Variants in PALS2 observed in about 807,000 individuals in gnomAD.
PALS2 encodes protein PALS2.
Under a neutral mutation model 61.6 loss-of-function variants are expected in PALS2, and 27 were observed. The observed-to-expected ratio is 0.44, with a 90% confidence interval of 0.32 to 0.60. PALS2 has a LOEUF of 0.60. Among genes scored for constraint, PALS2 ranks in the 20% least tolerant of loss-of-function variants. PALS2 has a pLI of 0.05. For missense variants in PALS2, 554 were observed against 639.4 expected (o/e 0.87, Z 1.44); for synonymous variants, 236 against 218.6 (o/e 1.08, Z -0.70).
chr7:24,605,578 T>TAAGAATAGGTCTATAAAGACATA (rs1283604801), intron 1 of PALS2, among the ~76,000 whole-genome samples: 1 of 152,014 alleles, frequency 6.6e-6, no homozygotes, highest in Non-Finnish European at 1.5e-5. Context: ...TGTAAATATG[T>TAAGAATAGGTCTATAAAGACATA]AAGAATAGGT....
chr7:24,649,612 T>G lies in PALS2; in HGVS notation c.271T>G (p.Ser91Ala). ...VGILKEPHFQ[S>A]LLEAHDIVAS... Reference sequence around the variant, plus strand: ...CACAGGCTATTTTGACTCCTTATAGTCACTGTTGGAGGCCCATGATATTGT... The same window carrying G: ...CACAGGCTATTTTGACTCCTTATAGGCACTGTTGGAGGCCCATGATATTGT... The change falls in exon 4 of 12, where the codon TCA becomes GCA. Residue 91 changes from serine to alanine, a missense_variant and splice_region_variant. By Grantham distance (99) the Ser-to-Ala change is moderately conservative. Transcript: ENST00000222644. 2 of 1,588,504 alleles carry G rather than the reference T, an allele frequency of 1.3e-6. 1 individual carries two copies. Among genetic ancestry groups the G allele is most frequent in the Non-Finnish European group, 1.7e-6 (2 of 1,169,082 alleles).
At position 24,680,433 on chromosome 7, in the gene PALS2, G is replaced by T; in HGVS notation, c.1359G>T (p.Val453=). 1.2e-6 allele frequency: 2 copies of T among 1,613,534 alleles called. No homozygotes were observed. Among genetic ancestry groups the T allele is most frequent in the South Asian group, 2.2e-5 (2 of 91,064 alleles). Residue 453 remains valine (V), a synonymous_variant, in exon 11 of 12, where the codon GTG becomes GTT. Transcript: ENST00000222644. The part of the protein sequence containing the change: ...VLRTSEFMPY[V]VFIAAPELET... ...GGACATCAGAGTTTATGCCCTATGT[G>T]GTATTTATTGCGGCTCCGGAGCTAG...
intron 2 of PALS2, among the ~76,000 whole-genome samples, chr7:24,630,143 G>A (rs7803085): frequency 0.016 from 2,413 of 152,156 alleles, 69 homozygotes; most frequent in African/African-American, 0.055. Context: ...AATAGTATGC[G>A]GCCATAAAAA....
At chr7:24,635,495 A>G (rs923577179) in intron 2 of PALS2, among the ~76,000 whole-genome samples, 1 of 152,158 alleles carries the variant, frequency 6.6e-6, no homozygotes, top group African/African-American at 2.4e-5. Context: ...TGTCATCTGA[A>G]TATAGACAGT....
At chr7:24,652,566 C>T (rs1457370801) in intron 5 of PALS2, among the ~76,000 whole-genome samples, 2 of 151,556 alleles carry the variant, frequency 1.3e-5, no homozygotes, top group Non-Finnish European at 2.9e-5. Context: ...ATGAAGGCTT[C>T]CAAAAGAACA....
At chr7:24,604,234 AAAAG>A (rs1168014940) in intron 1 of PALS2, among the ~76,000 whole-genome samples, 1 of 150,740 alleles carries the variant, frequency 6.6e-6, no homozygotes, top group Non-Finnish European at 1.5e-5. Flanking sequence ...AAAAAAAAAA[AAAAG>A]GAAAAAAGAA....
At chr7:24,665,888 C>A in intron 7 of PALS2, 133 bp from the exon 8 acceptor site, 2 of 986,112 alleles carry the variant, frequency 2.0e-6, no homozygotes. Context: ...TGGCTTAACT[C>A]ACCTCCACCC....
At chr7:24,679,815 T>C (rs1381051379) in intron 10 of PALS2, among the ~76,000 whole-genome samples, 3 of 152,152 alleles carry the variant, frequency 2.0e-5, no homozygotes. Flanking sequence ...GAGATAAAAA[T>C]TGTTAATAGT....
chr7:24,619,671 T>A (rs1216675932), intron 1 of PALS2, among the ~76,000 whole-genome samples: 1 of 137,934 alleles, frequency 7.2e-6, no homozygotes, highest in Non-Finnish European at 1.5e-5. Context: ...TGAGCCGAGA[T>A]CCCGCCACTG....
intron 2 of PALS2, among the ~76,000 whole-genome samples, chr7:24,634,490 A>G (rs966121223): frequency 6.6e-6 from 1 of 152,154 alleles, no homozygotes; most frequent in Non-Finnish European, 1.5e-5. Context: ...TCGGCCTCCT[A>G]AAGTGCTGGG....
rs777224415 is a variant in PALS2 at position 24,583,627 on chromosome 7, CTT to C, written c.-3+10046_-3+10047del. On this transcript the variant is annotated intron_variant, in intron 1 of 11. Coordinates refer to ENST00000222644, the MANE Select transcript of PALS2 (RefSeq NM_001303037.2). The stretch of plus-strand genomic sequence containing the variant: ...TGAGGATATCTTATTCAGATCCTTT[CTT>C]TTTTTTTTTTTCCCATGCTAAATAT... Among the ~76,000 whole-genome samples the C allele has an allele frequency of 6.9e-5, 9 of 131,346 alleles. 1 individual carries two copies. Among genetic ancestry groups the C allele is most frequent in the Admixed American group, 1.5e-4 (2 of 13,292 alleles). The allele number at this position is 131,346 out of a possible 152,430, so 86.2% of individuals were successfully genotyped here.
intron 6 of PALS2, among the ~76,000 whole-genome samples, chr7:24,664,839 G>C (rs765471193): frequency 2.0e-5 from 3 of 150,664 alleles, no homozygotes; most frequent in African/African-American, 7.3e-5. Flanking sequence ...CTATGAATAC[G>C]ATCTCTTAGT....
At chr7:24,667,629 A>G (rs1233862962) in intron 8 of PALS2, among the ~76,000 whole-genome samples, 1 of 149,918 alleles carries the variant, frequency 6.7e-6, no homozygotes, top group Non-Finnish European at 1.5e-5. Context: ...AGGATAAAAC[A>G]TAGAATTTTT....
intron 8 of PALS2, 61 bp downstream of exon 8, chr7:24,666,150 C>T (rs1368647079): frequency 2.1e-6 from 3 of 1,432,548 alleles, no homozygotes; most frequent in Non-Finnish European, 9.7e-7. Context: ...TTTAGTGTGG[C>T]ATAAACTCTG....
At chr7:24,660,494 A>G (rs1583966766) in intron 5 of PALS2, among the ~76,000 whole-genome samples, 1 of 152,020 alleles carries the variant, frequency 6.6e-6, no homozygotes, top group Non-Finnish European at 1.5e-5. Flanking sequence ...TCACTTAACC[A>G]TCTGTCTTGA....
chr7:24,597,217 A>C lies in PALS2; in HGVS notation c.-3+23624A>C, dbSNP rs2128045907. 3 of 152,306 alleles carry C rather than the reference A, an allele frequency of 2.0e-5. No individual in the cohort carries two copies. In the South Asian group the frequency reaches 6.2e-4, roughly 32 times the overall value. 9.4% of individuals were successfully genotyped at this position (152,306 alleles called of 1,614,324 possible). A position where few individuals can be genotyped will look rare whatever the true frequency, so the allele number is the denominator to read the frequency against. ...GTGAGTGCTGTAACTAATACTTGGA[A>C]ATTATCATCATATAGAAACTAGATG... On this transcript the variant is annotated intron_variant, in intron 1 of 11. Transcript: ENST00000222644.
chr7:24,625,918 G>A (rs1041555049), intron 2 of PALS2, among the ~76,000 whole-genome samples: 8 of 152,144 alleles, frequency 5.3e-5, no homozygotes, highest in Admixed American at 3.3e-4. Flanking sequence ...GAAAGAAATA[G>A]TAAGTCACAG....
At chr7:24,629,779 T>C (rs1188018248) in intron 2 of PALS2, among the ~76,000 whole-genome samples, 1 of 152,182 alleles carries the variant, frequency 6.6e-6, no homozygotes, top group Non-Finnish European at 1.5e-5. Flanking sequence ...TGCAATGAGA[T>C]ACCTTCTCAC....
chr7:24,676,808 G>A (rs1787624821), intron 9 of PALS2, among the ~76,000 whole-genome samples: 1 of 151,116 alleles, frequency 6.6e-6, no homozygotes, highest in Admixed American at 6.6e-5. Flanking sequence ...GTCAGGTAGT[G>A]TGATGCCTCC....
Sources: allele counts gnomAD v4.1 joint callset (sites outside exome capture counted in the v4.1 genomes callset), GRCh38; gene constraint gnomAD v4.1.1; transcripts MANE v1.5; gene names NCBI Gene and HGNC (gene_info 2026-07-23, HGNC 2026-07-21).